Variants in CYP2A6 observed in about 807,000 individuals in gnomAD.
The protein encoded by CYP2A6 is cytochrome P450 family 2 subfamily A member 6.
CYP2A6 carries 27 observed loss-of-function variants against 42.3 expected under a neutral mutation model. That is an observed-to-expected ratio of 0.64 (90% CI 0.47 to 0.88). The LOEUF is 0.88. Ranked by LOEUF, CYP2A6 falls within the 40% of genes least tolerant of loss-of-function variation. The pLI is 0.00. For synonymous variants in CYP2A6, 238 were observed against 246.3 expected (o/e 0.97, Z 0.31); for missense variants, 628 against 646.0 (o/e 0.97, Z 0.30).
intron 4 of CYP2A6, 87 bp downstream of exon 4, chr19:40,848,132 G>A: frequency 6.3e-7 from 1 of 1,579,696 alleles, no homozygotes. Context: ...CTGGAGGGCG[G>A]TGGGAGTTTG....
chr19:40,846,112 G>T lies in CYP2A6; in HGVS notation c.832-15C>A, dbSNP rs2083455451. ...TTCTTCTCCTCCTGCAGGGAGAGGG[G>T]GCTTTAGGCCAACCTCACTCCTCTT... On this transcript the variant is annotated splice_polypyrimidine_tract_variant and intron_variant, in intron 5 of 8. Coordinates refer to ENST00000301141, the MANE Select transcript of CYP2A6 (RefSeq NM_000762.6). 6.2e-7 allele frequency: 1 copy of T among 1,610,680 alleles called. No individual in the cohort carries two copies. The highest frequency in any genetic ancestry group is 1.3e-5 in the African/African-American group (1 of 74,506).
At chr19:40,846,141 C>G in intron 5 of CYP2A6, 44 bp from the exon 6 acceptor site, 1 of 1,604,926 alleles carries the variant, frequency 6.2e-7, no homozygotes, top group Middle Eastern at 1.7e-4. Context: ...TCCTCTTGCC[C>G]TCAGGGCCCT....
In CYP2A6 at chr19:40,846,093, T is replaced by G. The variant is rs1216695438; in HGVS notation, c.836A>C (p.Glu279Ala). The G allele has an allele frequency of 6.2e-7, 1 of 1,611,332 alleles. No homozygotes were observed. The highest frequency in any genetic ancestry group is 8.5e-7 in the Non-Finnish European group (1 of 1,179,780). Residue 279 changes from glutamate to alanine, a missense_variant, in exon 6 of 9, where the codon GAG becomes GCG. Glu to Ala is a moderately radical substitution (Grantham distance 107). Transcript: ENST00000301141. ...GTAGAACTCCGTGTTGGGGTTCTTC[T>G]CCTCCTGCAGGGAGAGGGGGCTTTA... Reference protein sequence around the residue: ...DSFLIRMQEEEKNPNTEFYLK... With the variant: ...DSFLIRMQEEAKNPNTEFYLK...
At position 40,848,692 on chromosome 19, in the gene CYP2A6, C is replaced by G. The variant is rs1457483916; in HGVS notation, c.415G>C (p.Gly139Arg). The G allele has an allele frequency of 1.9e-6, 3 of 1,611,966 alleles. No homozygotes were observed. The highest frequency in any genetic ancestry group is 1.1e-5 in the South Asian group (1 of 90,944). The change falls in exon 3 of 9, where the codon GGG (glycine) becomes CGG (arginine). Residue 139 changes from glycine to arginine, a missense_variant. Gly to Arg is a moderately radical substitution (Grantham distance 125, BLOSUM62 -2). Transcript: ENST00000301141. ...RFSIATLRDF[G>R]VGKRGIEERI... Reference sequence around the variant, plus strand: ...TCCTCGATGCCTCGCTTGCCCACCCCGAAGTCCCGCAGGGTGGCGATGGAG... The same window carrying G: ...TCCTCGATGCCTCGCTTGCCCACCCGGAAGTCCCGCAGGGTGGCGATGGAG...
intron 5 of CYP2A6, 40 bp downstream of exon 5, chr19:40,846,831 TCTGC>T: frequency 4.4e-6 from 7 of 1,603,430 alleles, no homozygotes; most frequent in Non-Finnish European, 6.0e-6. Context: ...CTGATTTCCC[TCTGC>T]CTGGCTTTGC....
At chr19:40,848,870 GGAGA>G (rs1169450246) in intron 2 of CYP2A6, 107 bp from the exon 3 acceptor site, 1 of 1,326,366 alleles carries the variant, frequency 7.5e-7, no homozygotes. Flanking sequence ...GAGTAGGGTG[GGAGA>G]GAGATGGATT....
Position 40,845,955 on chromosome 19 carries a change from C to T in CYP2A6, c.973+1G>A. On this transcript the variant is annotated splice_donor_variant, in intron 6 of 8. Coordinates refer to ENST00000301141, the MANE Select transcript of CYP2A6 (RefSeq NM_000762.6). LOFTEE classifies it high-confidence loss of function. The stretch of plus-strand genomic sequence containing the variant: ...CCACTTCCGTCCCCCTCCAGCCTTA[C>T]CCTCCACCTCTGGGTGCTTCATGAG... The T allele has an allele frequency of 6.2e-7, 1 of 1,610,726 alleles. No individual in the cohort carries two copies. Among genetic ancestry groups the T allele is most frequent in the Non-Finnish European group, 8.5e-7 (1 of 1,179,568 alleles).
chr19:40,846,400 G>A (rs750530739), intron 5 of CYP2A6, among the ~76,000 whole-genome samples: 8 of 150,096 alleles, frequency 5.3e-5, no homozygotes, highest in South Asian at 2.1e-4. Flanking sequence ...TGCACAGGCC[G>A]GACTCCAACT....
At chr19:40,844,129 C>T (rs544703198) in intron 8 of CYP2A6, 152 bp from the exon 9 acceptor site, 3 of 1,384,900 alleles carry the variant, frequency 2.2e-6, no homozygotes, top group Admixed American at 5.9e-5. Context: ...CCTCCCTGAG[C>T]CTCAATTTCT....
At position 40,844,696 on chromosome 19, in the gene CYP2A6, G is replaced by A. The variant is rs1220596453; in HGVS notation, c.1238C>T (p.Pro413Leu). The part of the protein sequence containing the change: ...SFFSNPQDFN[P>L]QHFLNEKGQF... ...CCCCTTCTCATTCAGGAAGTGCTGG[G>A]GATTGAAGTCCTGGGGGTTGGAGAA... Residue 413 changes from proline to leucine, a missense_variant, in exon 8 of 9, where the codon CCC becomes CTC. This residue lies in a region of CYP2A6 where 606 missense variants were observed against 568.1 expected (regional missense o/e 1.07). Coordinates refer to ENST00000301141, the MANE Select transcript of CYP2A6 (RefSeq NM_000762.6). 10 of 1,611,724 alleles carry A rather than the reference G, an allele frequency of 6.2e-6. No homozygotes were observed. The highest frequency in any genetic ancestry group is 7.6e-6 in the Non-Finnish European group (9 of 1,179,894).
rs1489178779 is a variant in CYP2A6 at position 40,848,987 on chromosome 19, G to A, written c.344-224C>T. Among the ~76,000 whole-genome samples, 309 of 90,046 alleles carry A rather than the reference G, an allele frequency of 3.4e-3. 9 individuals carry two copies. Among genetic ancestry groups the A allele is most frequent in the African/African-American group, 0.014 (272 of 18,964 alleles). 59.1% of individuals were successfully genotyped at this position (90,046 alleles called of 152,430 possible). On this transcript the variant is annotated intron_variant, in intron 2 of 8. Coordinates refer to ENST00000301141, the MANE Select transcript of CYP2A6 (RefSeq NM_000762.6). ...GAGAGAGAGAGAGAGAAGAGAGAGA[G>A]GAGAGAGAGAGAGAGAGAGAGAGAA...
At chr19:40,848,940 T>TAGAGAGAGAGAGAG (rs67032351) in intron 2 of CYP2A6, among the ~76,000 whole-genome samples, 177 bp from the exon 3 acceptor site, 2 of 66,124 alleles carry the variant, frequency 3.0e-5, no homozygotes, top group African/African-American at 7.1e-5. Context: ...GATGTCGAGG[T>TAGAGAGAGAGAGAG]AGAGAGAGAG....
rs535800169 is a variant in CYP2A6, at chr19:40,846,670, G to A, written c.831+205C>T. Among the ~76,000 whole-genome samples, 19 of 151,404 alleles carry A rather than the reference G, an allele frequency of 1.3e-4. 1 individual carries two copies. The highest frequency in any genetic ancestry group is 2.2e-4 in the Non-Finnish European group (15 of 67,924). On this transcript the variant is annotated intron_variant, in intron 5 of 8. Transcript: ENST00000301141. ...TGACCATGTTGGCCAGGCTGGTCTC[G>A]AACTCCTGACCTCAGGTGATCCACC...
At position 40,844,548 on chromosome 19, in the gene CYP2A6, G is replaced by A; in HGVS notation, c.1303+83C>T. 3.1e-6 allele frequency: 5 copies of A among 1,606,078 alleles called. No individual in the cohort carries two copies. The South Asian group carries it at 4.4e-5, about 14-fold the overall frequency. On this transcript the variant is annotated intron_variant, in intron 8 of 8. Coordinates refer to ENST00000301141, the MANE Select transcript of CYP2A6 (RefSeq NM_000762.6). ...AACTTCCAAGCTGGAGAAATACCAGGCTACACCGCAGAGAGGGGAGGAGGG... is the reference window on the plus strand; with the variant it reads ...AACTTCCAAGCTGGAGAAATACCAGACTACACCGCAGAGAGGGGAGGAGGG...
At chr19:40,846,352 G>GT (rs72549443) in intron 5 of CYP2A6, among the ~76,000 whole-genome samples, 133 of 144,082 alleles carry the variant, frequency 9.2e-4, no homozygotes, top group South Asian at 1.8e-3. Flanking sequence ...GTTTTTTTTT[G>GT]TTTTTTTTTT....
In CYP2A6 at chr19:40,848,796, C is replaced by T; in HGVS notation, c.344-33G>A. The T allele has an allele frequency of 2.5e-6, 4 of 1,586,948 alleles. No individual in the cohort carries two copies. The East Asian group carries it at 7.2e-5, about 29-fold the overall frequency. On this transcript the variant is annotated intron_variant, in intron 2 of 8. Transcript: ENST00000301141. ...GGTGAACGCGGGAATGGAGACAGGC[C>T]AGGGGGCGGCAGGGGCAGGAGCGGA...
In CYP2A6 at chr19:40,850,072, C is replaced by T. The variant is rs1300444253; in HGVS notation, c.181-92G>A. On this transcript the variant is annotated intron_variant, in intron 1 of 8. Coordinates refer to ENST00000301141, the MANE Select transcript of CYP2A6 (RefSeq NM_000762.6). Reference sequence around the variant, plus strand: ...ATGTCATGTGCTGGGATGCTTCGCACCCAGGTTCTCACAGTCAGGGAGCTG... The same window carrying T: ...ATGTCATGTGCTGGGATGCTTCGCATCCAGGTTCTCACAGTCAGGGAGCTG... 43 of 1,558,128 alleles carry T rather than the reference C, an allele frequency of 2.8e-5. 4 individuals are homozygous for T. Among genetic ancestry groups the T allele is most frequent in the Middle Eastern group, 1.8e-4 (1 of 5,536 alleles).
chr19:40,845,472 T>G lies in CYP2A6; in HGVS notation c.983A>C (p.His328Pro). Reference protein sequence around the residue: ...MKHPEVEAKVHEEIDRVIGKN... With the variant: ...MKHPEVEAKVPEEIDRVIGKN... ...GCCGATCACTCTGTCAATCTCCTCA[T>G]GGACCTTGGCTGGGGGAGGAGGGGG... Residue 328 changes from histidine to proline, a missense_variant, in exon 7 of 9, where the codon CAT becomes CCT. By Grantham distance (77) the His-to-Pro change is moderately conservative. Transcript: ENST00000301141. 6.2e-7 allele frequency: 1 copy of G among 1,611,506 alleles called. No individual in the cohort carries two copies.
chr19:40,848,924 A>G (rs1460098531), intron 2 of CYP2A6, among the ~76,000 whole-genome samples, 161 bp from the exon 3 acceptor site: 1 of 139,896 alleles, frequency 7.1e-6, no homozygotes, highest in Non-Finnish European at 1.5e-5. Flanking sequence ...TCAGTCAGAG[A>G]AACACGATGT....
Sources: allele counts gnomAD v4.1 joint callset (sites outside exome capture counted in the v4.1 genomes callset), GRCh38; gene constraint gnomAD v4.1.1; regional missense constraint gnomAD v4.1.1; transcripts MANE v1.5; gene names NCBI Gene and HGNC (gene_info 2026-07-23, HGNC 2026-07-21).